The following DLC1 variants were observed in gnomAD, a reference collection of about 807,000 sequenced individuals.
DLC1 encodes DLC1 Rho GTPase activating protein.
Under a neutral mutation model 140.3 loss-of-function variants are expected in DLC1, and 54 were observed. That is an observed-to-expected ratio of 0.38 (90% CI 0.31 to 0.48). The LOEUF (loss-of-function observed/expected upper bound fraction) is 0.48, where lower values mean the gene tolerates loss of function less well. Among genes scored for constraint, DLC1 ranks in the 20% least tolerant of loss-of-function variants. DLC1 has a pLI of 0.96. For missense variants in DLC1, 2,536 were observed against 1,907.0 expected (o/e 1.33, Z -6.14); for synonymous variants, 986 against 728.1 (o/e 1.35, Z -5.70).
intron 1 of DLC1, among the ~76,000 whole-genome samples, chr8:13,590,739 G>T (rs1372619442): frequency 6.6e-6 from 1 of 151,922 alleles, no homozygotes; most frequent in Non-Finnish European, 1.5e-5. Flanking sequence ...ATTTTAAATA[G>T]CTTCATGCCT....
At chr8:13,296,757 A>G (rs1029781979) in intron 5 of DLC1, among the ~76,000 whole-genome samples, 5 of 151,916 alleles carry the variant, frequency 3.3e-5, no homozygotes, top group Non-Finnish European at 5.9e-5. Flanking sequence ...ATAAAATTCA[A>G]GAACAGAAAT....
intron 4 of DLC1, among the ~76,000 whole-genome samples, chr8:13,379,264 C>G (rs942972885): frequency 6.6e-6 from 1 of 152,164 alleles, no homozygotes; most frequent in South Asian, 2.1e-4. Context: ...ATTGCCTTCA[C>G]CCATTCCTGA....
chr8:13,156,944 G>T (rs1256154344), intron 5 of DLC1, among the ~76,000 whole-genome samples: 1 of 152,142 alleles, frequency 6.6e-6, no homozygotes, highest in Non-Finnish European at 1.5e-5. Flanking sequence ...TTCCGAGTAT[G>T]AAGGTTAGAG....
At chr8:13,195,105 T>C (rs1479202173) in intron 5 of DLC1, among the ~76,000 whole-genome samples, 1 of 152,230 alleles carries the variant, frequency 6.6e-6, no homozygotes, top group Non-Finnish European at 1.5e-5. Context: ...GGTTTTTCCC[T>C]TTGATTTGGC....
At chr8:13,413,095 G>C (rs1052652551) in intron 2 of DLC1, among the ~76,000 whole-genome samples, 1 of 151,940 alleles carries the variant, frequency 6.6e-6, no homozygotes, top group Non-Finnish European at 1.5e-5. Context: ...TTGGGACCCT[G>C]CTACTGATAA....
At chr8:13,516,020 G>C (rs1323899641), upstream of DLC1, among the ~76,000 whole-genome samples, 1 of 152,156 alleles carries the variant, frequency 6.6e-6, no homozygotes, top group Non-Finnish European at 1.5e-5. Context: ...GGCCAGTAGA[G>C]CAGCTTCATT....
At chr8:13,448,369 C>CTT (rs33970379) in intron 2 of DLC1, among the ~76,000 whole-genome samples, 49 of 143,886 alleles carry the variant, frequency 3.4e-4, no homozygotes, top group African/African-American at 1.2e-3. Flanking sequence ...TCTTCTTCTT[C>CTT]TTTTTTTTTT....
intron 1 of DLC1, among the ~76,000 whole-genome samples, chr8:13,599,969 C>A (rs1158599202): frequency 6.6e-6 from 1 of 151,928 alleles, no homozygotes; most frequent in African/African-American, 2.4e-5. Flanking sequence ...AGCATCTTCA[C>A]CACCTTCACC....
intron 5 of DLC1, among the ~76,000 whole-genome samples, chr8:13,160,867 C>T (rs76898056): frequency 6.6e-6 from 1 of 152,166 alleles, no homozygotes; most frequent in Non-Finnish European, 1.5e-5. Flanking sequence ...GGGAGGATCA[C>T]GAGGTCTCAG....
intron 1 of DLC1, among the ~76,000 whole-genome samples, chr8:13,555,637 G>A (rs1002094021): frequency 1.2e-4 from 18 of 151,540 alleles, no homozygotes; most frequent in African/African-American, 3.9e-4. Context: ...GACTACAGGT[G>A]CCCGCCACCA....
intron 5 of DLC1, among the ~76,000 whole-genome samples, chr8:13,211,390 G>C (rs527354455): frequency 6.6e-6 from 1 of 152,058 alleles, no homozygotes; most frequent in Non-Finnish European, 1.5e-5. Flanking sequence ...GCCCTGCTCT[G>C]TCTATGGAAC....
intron 4 of DLC1, among the ~76,000 whole-genome samples, chr8:13,362,966 A>G (rs1314913704): frequency 6.6e-6 from 1 of 152,158 alleles, no homozygotes; most frequent in Non-Finnish European, 1.5e-5. Flanking sequence ...TCTCGATTAC[A>G]TCTTTCTATT....
intron 1 of DLC1, among the ~76,000 whole-genome samples, chr8:13,586,397 A>G (rs566952360): frequency 1.3e-5 from 2 of 152,294 alleles, no homozygotes; most frequent in South Asian, 4.1e-4. Flanking sequence ...GGAGTAGGGA[A>G]GAGTCAAAGA....
At chr8:13,484,664 G>T (rs1315373240) in intron 2 of DLC1, among the ~76,000 whole-genome samples, 1 of 151,958 alleles carries the variant, frequency 6.6e-6, no homozygotes, top group Non-Finnish European at 1.5e-5. Context: ...CAACATCCTT[G>T]TTAAAATGCA....
Position 13,173,368 on chromosome 8 carries a change from CTTTTTTTTTTT to C in DLC1, c.1349-57722_1349-57712del, listed in dbSNP as rs35778236. Among the ~76,000 whole-genome samples the C allele has an allele frequency of 9.7e-5, 10 of 103,530 alleles. 1 individual carries two copies. The East Asian group carries it at 2.5e-3, about 26-fold the overall frequency. The allele number at this position is 103,530 out of a possible 152,430, so 67.9% of individuals were successfully genotyped here. A position where few individuals can be genotyped will look rare whatever the true frequency, so the allele number is the denominator to read the frequency against. On this transcript the variant is annotated intron_variant, in intron 5 of 17. Transcript: ENST00000276297. ...AATGCTTCTTTCTTTGTTCTGCCCT[CTTTTTTTTTTT>C]TTTTTTTTTTTGAGACGGAGTCTTG...
intron 1 of DLC1, chr8:13,583,934 C>G (rs1006598397): frequency 6.6e-6 from 1 of 152,242 alleles, no homozygotes; most frequent in East Asian, 1.9e-4. Flanking sequence ...TCCTGGACAG[C>G]TATCATGGTC....
rs185237914 is a variant in DLC1, at chr8:13,106,180, G to A, written c.1503-3327C>T. The stretch of plus-strand genomic sequence containing the variant: ...CCCAGATAAAAGCACAGCAGGTGGG[G>A]ACCTGGGCCCCATTGTATTAAAAGT... On this transcript the variant is annotated intron_variant, in intron 7 of 17. Coordinates refer to ENST00000276297, the MANE Select transcript of DLC1 (RefSeq NM_182643.3). Among the ~76,000 whole-genome samples, 376 of 152,318 alleles carry A rather than the reference G, an allele frequency of 2.5e-3. 1 individual carries two copies. Among genetic ancestry groups the A allele is most frequent in the Middle Eastern group, 0.02 (6 of 294 alleles).
intron 1 of DLC1, among the ~76,000 whole-genome samples, chr8:13,586,730 A>G (rs1041134959): frequency 5.3e-5 from 8 of 152,044 alleles, no homozygotes; most frequent in Admixed American, 4.6e-4. Context: ...GTAGTACAAT[A>G]TCACAACCAG....
intron 1 of DLC1, among the ~76,000 whole-genome samples, chr8:13,590,947 C>T (rs893020596): frequency 6.6e-6 from 1 of 151,994 alleles, no homozygotes; most frequent in Non-Finnish European, 1.5e-5. Flanking sequence ...TATATTTTTG[C>T]TTTTACAAAT....
Sources: gnomAD v4.1 joint callset for allele counts (sites outside exome capture counted in the v4.1 genomes callset) on GRCh38, gnomAD v4.1.1 for gene constraint, MANE v1.5 for transcripts, NCBI Gene and HGNC (gene_info 2026-07-23, HGNC 2026-07-21) for gene names.